The following TNIK variants were observed in gnomAD, a reference collection of about 807,000 sequenced individuals.
TNIK encodes the protein TRAF2 and NCK interacting kinase.
In TNIK, 49 loss-of-function variants were observed where a neutral mutation model predicts 191.3. The ratio of observed to expected loss-of-function variants is 0.26; its 90% confidence interval spans 0.20 to 0.32. The LOEUF is 0.32. TNIK is among the 10% of genes least tolerant of loss of function. TNIK has a pLI of 1.00. For missense variants in TNIK, 1,155 were observed against 1,702.3 expected (o/e 0.68, Z 5.66); for synonymous variants, 594 against 600.9 (o/e 0.99, Z 0.17).
chr3:171,327,696 G>A (rs562713052), intron 2 of TNIK, among the ~76,000 whole-genome samples: 20 of 151,902 alleles, frequency 1.3e-4, no homozygotes, highest in South Asian at 2.1e-4. Context: ...TTTGGTGGGC[G>A]GGGTGGGAGC....
At chr3:171,278,944 T>C (rs552982061) in intron 2 of TNIK, among the ~76,000 whole-genome samples, 15 of 152,150 alleles carry the variant, frequency 9.9e-5, no homozygotes, top group Admixed American at 6.5e-5. Flanking sequence ...TAGTGAGAAA[T>C]TGTACAGTAC....
chr3:171,257,085 G>C (rs1390862897), intron 2 of TNIK, among the ~76,000 whole-genome samples: 1 of 151,884 alleles, frequency 6.6e-6, no homozygotes, highest in African/African-American at 2.4e-5. Flanking sequence ...GGCCGAGAGA[G>C]GAACAATGAA....
chr3:171,217,908 C>A (rs186328973), intron 3 of TNIK, among the ~76,000 whole-genome samples: 48 of 152,134 alleles, frequency 3.2e-4, no homozygotes, highest in African/African-American at 1.1e-3. Context: ...AAAGTGTTTG[C>A]CAAGGTCGTG....
At chr3:171,079,482 C>T in intron 28 of TNIK, 36 bp downstream of exon 28, 1 of 1,598,074 alleles carries the variant, frequency 6.3e-7, no homozygotes, top group Non-Finnish European at 8.5e-7. Context: ...ATTGAGTAAA[C>T]AGACCAAACT....
At chr3:171,334,867 A>G (rs1304670246) in intron 2 of TNIK, among the ~76,000 whole-genome samples, 2 of 119,840 alleles carry the variant, frequency 1.7e-5, no homozygotes, top group South Asian at 2.8e-4. Context: ...GTTGATCTTT[A>G]TAAGTTTCTT....
intron 1 of TNIK, among the ~76,000 whole-genome samples, chr3:171,379,049 G>A (rs1717649648): frequency 1.3e-5 from 2 of 152,100 alleles, no homozygotes; most frequent in Admixed American, 1.3e-4. Context: ...TAGGTAGTTG[G>A]GTTAAGAAAT....
intron 3 of TNIK, among the ~76,000 whole-genome samples, chr3:171,211,668 G>C (rs565136628): frequency 3.9e-5 from 6 of 152,190 alleles, no homozygotes; most frequent in African/African-American, 1.4e-4. Flanking sequence ...AATTTTGTTA[G>C]GTTCATTTTC....
At chr3:171,323,329 C>T (rs1262856232) in intron 2 of TNIK, among the ~76,000 whole-genome samples, 2 of 152,182 alleles carry the variant, frequency 1.3e-5, no homozygotes, top group African/African-American at 4.8e-5. Flanking sequence ...ATGGTCCCTT[C>T]ACATAACCCA....
chr3:171,298,614 A>C (rs1175617612), intron 2 of TNIK, among the ~76,000 whole-genome samples: 3 of 152,154 alleles, frequency 2.0e-5, no homozygotes, highest in African/African-American at 7.2e-5. Context: ...GGGGGACATG[A>C]GTTGCAGATG....
intron 2 of TNIK, among the ~76,000 whole-genome samples, chr3:171,289,307 T>C (rs1751415472): frequency 6.6e-6 from 1 of 152,206 alleles, no homozygotes; most frequent in African/African-American, 2.4e-5. Context: ...TTCTCTAAGA[T>C]TCTATCATAC....
At chr3:171,218,461 C>T (rs919608021) in intron 3 of TNIK, among the ~76,000 whole-genome samples, 10 of 151,544 alleles carry the variant, frequency 6.6e-5, no homozygotes, top group Non-Finnish European at 1.5e-4. Context: ...CCATAAATGG[C>T]GTGGCTTATA....
At chr3:171,176,777 A>T (rs1321007108) in intron 8 of TNIK, among the ~76,000 whole-genome samples, 3 of 152,232 alleles carry the variant, frequency 2.0e-5, no homozygotes, top group Admixed American at 2.0e-4. Flanking sequence ...TGTGAGGCAC[A>T]GTCTCATGAC....
chr3:171,266,731 G>GA (rs1173151677), intron 2 of TNIK, among the ~76,000 whole-genome samples: 3 of 152,146 alleles, frequency 2.0e-5, no homozygotes, highest in Admixed American at 6.5e-5. Context: ...AAAACAATCT[G>GA]AAAAAATTAT....
chr3:171,263,281 T>G (rs977453817), intron 2 of TNIK, among the ~76,000 whole-genome samples: 1 of 152,204 alleles, frequency 6.6e-6, no homozygotes, highest in Non-Finnish European at 1.5e-5. Flanking sequence ...GACCAGAGAC[T>G]CATAGGGAGT....
intron 18 of TNIK, among the ~76,000 whole-genome samples, chr3:171,119,548 A>G (rs960634331): frequency 1.5e-4 from 23 of 152,222 alleles, no homozygotes; most frequent in Admixed American, 4.6e-4. Context: ...ACCAACCCAA[A>G]TGTCCAACAA....
At chr3:171,388,797 A>C (rs565854368) in intron 1 of TNIK, among the ~76,000 whole-genome samples, 1 of 152,180 alleles carries the variant, frequency 6.6e-6, no homozygotes, top group African/African-American at 2.4e-5. Context: ...TTGTGTTCTA[A>C]CAGTATTTGA....
At chr3:171,388,723 G>A (rs140159771) in intron 1 of TNIK, among the ~76,000 whole-genome samples, 23 of 152,234 alleles carry the variant, frequency 1.5e-4, no homozygotes, top group East Asian at 5.8e-4. Flanking sequence ...AGTAAGCATC[G>A]TGTACACAAA....
At chr3:171,256,459 T>C (rs1330406488) in intron 2 of TNIK, among the ~76,000 whole-genome samples, 1 of 152,164 alleles carries the variant, frequency 6.6e-6, no homozygotes, top group African/African-American at 2.4e-5. Flanking sequence ...CCAAACGAGA[T>C]GCCTGGGGAA....
chr3:171,128,860 G>A lies in TNIK; in HGVS notation c.1627C>T (p.Leu543Phe). The change falls in exon 16 of 33, where the codon CTC (leucine) becomes TTC (phenylalanine). Residue 543 changes from leucine (L) to phenylalanine (F), a missense_variant. Leu to Phe is a conservative substitution (Grantham distance 22). Coordinates refer to ENST00000436636, the MANE Select transcript of TNIK (RefSeq NM_015028.4). ...WAKEVEERSR[L>F]NRQSSPAMPH... is the part of the protein sequence containing the mutation. ...ATGGCAGGGGAACTTTGCCGGTTGA[G>A]CCTTGACCGTTCTTCTACCTACAAC... The A allele has an allele frequency of 6.6e-7, 1 of 1,519,812 alleles. No individual in the cohort carries two copies. The highest frequency in any genetic ancestry group is 1.2e-5 in the South Asian group (1 of 83,512). The allele number at this position is 1,519,812 out of a possible 1,614,324, so 94.1% of individuals were successfully genotyped here.
Sources: allele counts gnomAD v4.1 joint callset (sites outside exome capture counted in the v4.1 genomes callset), GRCh38; gene constraint gnomAD v4.1.1; transcripts MANE v1.5; gene names NCBI Gene and HGNC (gene_info 2026-07-23, HGNC 2026-07-21).